RHBDF2: variants seen among roughly 807,000 people sequenced by gnomAD.
The protein encoded by RHBDF2 is inactive rhomboid protein 2.
Under a neutral mutation model 95.2 loss-of-function variants are expected in RHBDF2, and 38 were observed. The ratio of observed to expected loss-of-function variants is 0.40; its 90% confidence interval spans 0.31 to 0.52. RHBDF2 has a LOEUF of 0.52. Among genes scored for constraint, RHBDF2 ranks in the 20% least tolerant of loss-of-function variants. The pLI is 0.56. For missense variants in RHBDF2, 863 were observed against 1,137.7 expected, an observed-to-expected ratio of 0.76 and a Z score of 3.47; for synonymous variants, 442 against 462.0, an observed-to-expected ratio of 0.96 and a Z score of 0.55.
chr17:76,474,935 G>T, intron 10 of RHBDF2, 95 bp downstream of exon 10: 1 of 1,481,722 alleles, frequency 6.7e-7, no homozygotes, highest in Non-Finnish European at 9.2e-7. Context: ...CCCTGCTGGG[G>T]CCAGATTGTT....
chr17:76,487,849 TG>T lies in RHBDF2; in HGVS notation c.-160del, dbSNP rs2074183886. 3 of 152,350 alleles carry T rather than the reference TG, an allele frequency of 2.0e-5. No homozygotes were observed. The South Asian group carries it at 6.2e-4, about 32-fold the overall frequency. The allele number at this position is 152,350 out of a possible 1,614,324, so 9.4% of individuals were successfully genotyped here. ...GTGGAAGGGTGGCTGGACAGACAGG[TG>T]GCTGGAAGGACAGATAGACAGCTCC... On this transcript the variant is annotated 5_prime_UTR_variant, in exon 2 of 19. Coordinates refer to ENST00000675367, the MANE Select transcript of RHBDF2 (RefSeq NM_001005498.4).
chr17:76,498,762 T>C (rs1184124611), intron 1 of RHBDF2, among the ~76,000 whole-genome samples: 1 of 148,982 alleles, frequency 6.7e-6, no homozygotes, highest in Non-Finnish European at 1.5e-5. Context: ...GGAACAAAAG[T>C]CCCCCTCCTG....
intron 1 of RHBDF2, among the ~76,000 whole-genome samples, chr17:76,490,695 C>T (rs2074273852): frequency 6.6e-6 from 1 of 152,126 alleles, no homozygotes; most frequent in Non-Finnish European, 1.5e-5. Flanking sequence ...GAGGTCCCTT[C>T]AGGCCTGCCC....
At chr17:76,497,398 C>T (rs943291467) in intron 1 of RHBDF2, among the ~76,000 whole-genome samples, 6 of 152,182 alleles carry the variant, frequency 3.9e-5, no homozygotes, top group Non-Finnish European at 7.3e-5. Context: ...GAAACCCACC[C>T]TCACTTCCCT....
chr17:76,479,413 T>C, intron 4 of RHBDF2, 136 bp from the exon 5 acceptor site: 2 of 1,271,372 alleles, frequency 1.6e-6, no homozygotes, highest in Non-Finnish European at 2.2e-6. Context: ...GTGAGGCCCC[T>C]GGCTGGAGCC....
chr17:76,478,167 C>T (rs1205169770), intron 6 of RHBDF2, among the ~76,000 whole-genome samples: 2 of 152,208 alleles, frequency 1.3e-5, no homozygotes, highest in South Asian at 2.1e-4. Flanking sequence ...ATACCAGGTC[C>T]CTGCCCACCT....
Position 76,473,869 on chromosome 17 carries a change from G to A in RHBDF2, c.1608C>T (p.His536=), listed in dbSNP as rs775710085. 483 of 1,613,998 alleles carry A rather than the reference G, an allele frequency of 3.0e-4. 6 individuals carry two copies. Among genetic ancestry groups the A allele is most frequent in the Non-Finnish European group, 3.9e-5 (46 of 1,180,026 alleles). The change falls in exon 14 of 19, where the codon CAC becomes CAT. Residue 536 remains histidine (H), a synonymous_variant. Coordinates refer to ENST00000675367, the MANE Select transcript of RHBDF2 (RefSeq NM_001005498.4). ...ACTTAGTGATGTCATCGGGCCAGAT[G>A]TGGGCACCGCTGGAGGCTGGCTCCT... ...TCEEPASSGA[H]IWPDDITKWP...
chr17:76,497,524 C>T lies in RHBDF2; in HGVS notation c.-220+3829G>A, dbSNP rs561900319. On this transcript the variant is annotated intron_variant, in intron 1 of 18. Transcript: ENST00000675367. Reference sequence around the variant, plus strand: ...TTCCCATCTAGTCCTTGACAGCCCACGAGGCAGGGCCTCGGCCATCTCCCA... The same window carrying T: ...TTCCCATCTAGTCCTTGACAGCCCATGAGGCAGGGCCTCGGCCATCTCCCA... 7.9e-5 allele frequency among the ~76,000 whole-genome samples: 12 copies of T among 152,154 alleles called. No homozygotes were observed. The East Asian group carries it at 1.5e-3, about 20-fold the overall frequency.
At chr17:76,477,933 G>A (rs2073827560) in intron 6 of RHBDF2, 148 bp from the exon 7 acceptor site, 1 of 1,282,500 alleles carries the variant, frequency 7.8e-7, no homozygotes, top group Non-Finnish European at 1.0e-6. Context: ...GATTCTGCAA[G>A]CTGAACGGGC....
intron 1 of RHBDF2, among the ~76,000 whole-genome samples, chr17:76,499,867 G>C (rs1162834448): frequency 6.6e-6 from 1 of 151,830 alleles, no homozygotes; most frequent in Non-Finnish European, 1.5e-5. Flanking sequence ...AGATTGCCCT[G>C]GGGTTAAGCA....
At position 76,471,557 on chromosome 17, in the gene RHBDF2, A is replaced by C. The variant is rs1258362287; in HGVS notation, c.*76T>G. 1.4e-6 allele frequency: 2 copies of C among 1,423,146 alleles called. No individual in the cohort carries two copies. The highest frequency in any genetic ancestry group is 2.6e-5 in the Admixed American group (1 of 38,130). The allele number at this position is 1,423,146 out of a possible 1,614,324, so 88.2% of individuals were successfully genotyped here. ...GTCTCTGGCTCTCTGGCACACAGAG[A>C]GCGCTCTGCAGAGGGCAGCCCTCGC... On this transcript the variant is annotated 3_prime_UTR_variant, in exon 19 of 19. Transcript: ENST00000675367.
chr17:76,489,779 G>A (rs1004520737), intron 1 of RHBDF2, among the ~76,000 whole-genome samples: 1 of 152,234 alleles, frequency 6.6e-6, no homozygotes, highest in Non-Finnish European at 1.5e-5. Flanking sequence ...ACCTTCCAGG[G>A]TGACATTAGC....
Position 76,474,714 on chromosome 17 carries a change from C to T in RHBDF2, c.1302+16G>A, listed in dbSNP as rs772915513. The T allele has an allele frequency of 1.2e-6, 2 of 1,614,190 alleles. No homozygotes were observed. Among genetic ancestry groups the T allele is most frequent in the South Asian group, 2.2e-5 (2 of 91,076 alleles). On this transcript the variant is annotated intron_variant, in intron 11 of 18. Transcript: ENST00000675367. ...GACTCCTGGCTCAGATGATGTCCCC[C>T]AGCCTGGGCCCTCACCGAGCTGGGG...
chr17:76,472,090 G>T (rs888552374), intron 18 of RHBDF2, 38 bp from the exon 19 acceptor site: 30 of 1,519,926 alleles, frequency 2.0e-5, no homozygotes, highest in Non-Finnish European at 2.6e-5. Flanking sequence ...TCAGGCATCA[G>T]GTGGGTGGCC....
intron 9 of RHBDF2, chr17:76,476,406 G>T: frequency 6.0e-6 from 1 of 167,250 alleles, no homozygotes; most frequent in Non-Finnish European, 1.3e-5. Flanking sequence ...CAATCCTTCT[G>T]ACTCAGCCTC....
At chr17:76,473,981 G>A in intron 13 of RHBDF2, 52 bp downstream of exon 13, 2 of 1,605,068 alleles carry the variant, frequency 1.2e-6, no homozygotes, top group Non-Finnish European at 1.7e-6. Flanking sequence ...GGGTGGCTCA[G>A]ATGGCATGGC....
chr17:76,476,740 T>C, intron 9 of RHBDF2, 90 bp downstream of exon 9: 2 of 1,457,400 alleles, frequency 1.4e-6, no homozygotes, highest in Non-Finnish European at 1.8e-6. Context: ...CATGAAACAC[T>C]TGCTGAATGA....
Position 76,476,963 on chromosome 17 carries a change from C to G in RHBDF2, c.982G>C (p.Val328Leu). Residue 328 changes from valine to leucine, a missense_variant, in exon 9 of 19, where the codon GTG becomes CTG. Physicochemically the swap from Val to Leu is conservative, Grantham distance 32. This residue lies in a region of RHBDF2 where 611 missense variants were observed against 725.5 expected (regional missense o/e 0.84). Transcript: ENST00000675367. The stretch of plus-strand genomic sequence containing the variant: ...TTCCGATCAAAGGCAAAGTGCTTCA[C>G]CTTGGAGGCGATGCGCTTGCCGCGC... ...PRRGKRIASK[V>L]KHFAFDRKKR... 1.2e-6 allele frequency: 2 copies of G among 1,614,004 alleles called. No homozygotes were observed. The highest frequency in any genetic ancestry group is 1.7e-6 in the Non-Finnish European group (2 of 1,180,042).
At chr17:76,498,996 T>A (rs2074509692) in intron 1 of RHBDF2, among the ~76,000 whole-genome samples, 1 of 152,116 alleles carries the variant, frequency 6.6e-6, no homozygotes, top group Non-Finnish European at 1.5e-5. Flanking sequence ...CGAGCTCCAC[T>A]GCCGACTTCC....
Sources: allele counts gnomAD v4.1 joint callset (sites outside exome capture counted in the v4.1 genomes callset), GRCh38; gene constraint gnomAD v4.1.1; regional missense constraint gnomAD v4.1.1; transcripts MANE v1.5; gene names NCBI Gene and HGNC (gene_info 2026-07-23, HGNC 2026-07-21).